The following CDKAL1 variants were observed in gnomAD, a reference collection of about 807,000 sequenced individuals.
CDKAL1 encodes the protein CDKAL1 threonylcarbamoyladenosine tRNA methylthiotransferase.
CDKAL1 carries 32 observed loss-of-function variants against 68.2 expected under a neutral mutation model. The ratio of observed to expected loss-of-function variants is 0.47; its 90% CI spans 0.35 to 0.63. The LOEUF (loss-of-function observed/expected upper bound fraction) is 0.63. Among genes scored for constraint, CDKAL1 ranks in the 30% least tolerant of loss-of-function variants. The probability of loss-of-function intolerance (pLI) is 0.00; values close to 1 mark genes in which losing one functional copy is unlikely to be tolerated. For synonymous variants in CDKAL1, 234 were observed against 244.3 expected (o/e 0.96, Z 0.39); for missense variants, 606 against 696.7 (o/e 0.87, Z 1.47).
chr6:20,788,035 T>C (rs778511933), intron 8 of CDKAL1, among the ~76,000 whole-genome samples: 5 of 152,226 alleles, frequency 3.3e-5, no homozygotes, highest in Non-Finnish European at 7.3e-5. Flanking sequence ...ACTGAGACCC[T>C]ATTTCGACTG....
intron 14 of CDKAL1, among the ~76,000 whole-genome samples, chr6:21,200,421 C>T (rs1778640480): frequency 6.6e-6 from 1 of 152,204 alleles, no homozygotes; most frequent in African/African-American, 2.4e-5. Context: ...TAGCTCCAAA[C>T]AGCAGTGTAC....
At chr6:21,168,486 C>T (rs1314269686) in intron 13 of CDKAL1, among the ~76,000 whole-genome samples, 1 of 152,222 alleles carries the variant, frequency 6.6e-6, no homozygotes, top group East Asian at 1.9e-4. Context: ...ACTTAACTGA[C>T]ATAGCTACAC....
At chr6:20,839,340 CT>C (rs1778084049) in intron 8 of CDKAL1, among the ~76,000 whole-genome samples, 1 of 152,100 alleles carries the variant, frequency 6.6e-6, no homozygotes, top group Admixed American at 6.5e-5. Flanking sequence ...TTAAAATGTG[CT>C]ATTTTTTGAA....
At chr6:20,878,866 G>C (rs1581750133) in intron 9 of CDKAL1, among the ~76,000 whole-genome samples, 1 of 149,400 alleles carries the variant, frequency 6.7e-6, no homozygotes, top group Non-Finnish European at 1.5e-5. Context: ...ATCACCTGAG[G>C]TCAGGGGTTC....
At chr6:21,079,567 A>G (rs1387719483) in intron 12 of CDKAL1, among the ~76,000 whole-genome samples, 1 of 152,230 alleles carries the variant, frequency 6.6e-6, no homozygotes. Flanking sequence ...ACATTAACTC[A>G]TGCCACAGGC....
chr6:20,662,990 T>A (rs1054214079), intron 5 of CDKAL1, among the ~76,000 whole-genome samples: 2 of 152,174 alleles, frequency 1.3e-5, no homozygotes, highest in African/African-American at 4.8e-5. Context: ...GTGTGAGGAT[T>A]GAAGTCGGTT....
At chr6:20,627,368 T>A (rs1236710748) in intron 4 of CDKAL1, among the ~76,000 whole-genome samples, 1 of 152,194 alleles carries the variant, frequency 6.6e-6, no homozygotes, top group Non-Finnish European at 1.5e-5. Context: ...CCATACTCTG[T>A]AGGATAAGAA....
intron 9 of CDKAL1, among the ~76,000 whole-genome samples, chr6:20,947,085 A>T (rs917628080): frequency 1.3e-5 from 2 of 151,824 alleles, no homozygotes; most frequent in Admixed American, 1.3e-4. Context: ...TACTTGCTAG[A>T]AGGAGTCAAT....
chr6:20,913,845 G>A (rs1762590026), intron 9 of CDKAL1, among the ~76,000 whole-genome samples: 1 of 152,172 alleles, frequency 6.6e-6, no homozygotes, highest in African/African-American at 2.4e-5. Flanking sequence ...AAATTAATTA[G>A]CTGTGGGTGG....
rs551392614 is a variant in CDKAL1, at chr6:20,596,093, G to A, written c.286+47388G>A. 3.9e-5 allele frequency among the ~76,000 whole-genome samples: 6 copies of A among 152,316 alleles called. No homozygotes were observed. The East Asian group carries it at 1.2e-3, about 29-fold the overall frequency. ...CGGAGCTCTCCTGTATGAGGTGTCT[G>A]TCAACCCCTTCTGGGAGGTGTCTCC... On this transcript the variant is annotated intron_variant, in intron 4 of 15. Coordinates refer to ENST00000274695, the MANE Select transcript of CDKAL1 (RefSeq NM_017774.3).
intron 6 of CDKAL1, among the ~76,000 whole-genome samples, chr6:20,745,577 A>T (rs1214493654): frequency 6.6e-6 from 1 of 151,868 alleles, no homozygotes; most frequent in African/African-American, 2.4e-5. Context: ...TTCTAATCTC[A>T]CCTGTATTCA....
chr6:20,618,112 A>G (rs1303823040), intron 4 of CDKAL1, among the ~76,000 whole-genome samples: 1 of 152,106 alleles, frequency 6.6e-6, no homozygotes, highest in East Asian at 1.9e-4. Context: ...CGCCATTCTA[A>G]CTGCTGTGAG....
At chr6:20,602,528 T>A (rs970304000) in intron 4 of CDKAL1, among the ~76,000 whole-genome samples, 9 of 152,162 alleles carry the variant, frequency 5.9e-5, no homozygotes, top group African/African-American at 1.9e-4. Flanking sequence ...GTCCTCAGGA[T>A]TTTAGGCTTT....
chr6:20,584,679 T>C (rs1765273285), intron 4 of CDKAL1, among the ~76,000 whole-genome samples: 1 of 152,234 alleles, frequency 6.6e-6, no homozygotes, highest in African/African-American at 2.4e-5. Context: ...ATAGAACTTT[T>C]GAATAACTTC....
rs534532576 is a variant in CDKAL1, at chr6:21,009,393, C to T, written c.1055+9021C>T. ...TAATACAACATTCTATAGTCAATAT[C>T]GCCTCCTTTTTACCTTCACTCTCCA... On this transcript the variant is annotated intron_variant, in intron 11 of 15. Transcript: ENST00000274695. 9.2e-5 allele frequency among the ~76,000 whole-genome samples: 14 copies of T among 152,258 alleles called. No homozygotes were observed. In the South Asian group the frequency reaches 1.5e-3, roughly 16 times the overall value.
At chr6:20,684,683 G>T (rs982053993) in intron 5 of CDKAL1, among the ~76,000 whole-genome samples, 2 of 152,014 alleles carry the variant, frequency 1.3e-5, no homozygotes, top group East Asian at 3.9e-4. Context: ...CCAACATTTG[G>T]TGTTAGCAGT....
At chr6:20,585,635 C>T (rs1168460959) in intron 4 of CDKAL1, among the ~76,000 whole-genome samples, 1 of 152,206 alleles carries the variant, frequency 6.6e-6, no homozygotes, top group Non-Finnish European at 1.5e-5. Context: ...GCTTTTCACT[C>T]TTTCCTTCTG....
intron 10 of CDKAL1, among the ~76,000 whole-genome samples, chr6:20,977,714 CA>C (rs1218979350): frequency 3.3e-5 from 5 of 152,110 alleles, no homozygotes; most frequent in African/African-American, 9.6e-5. Context: ...CCCATCTCTA[CA>C]AAAAATACAA....
At chr6:21,197,315 T>G (rs1294405263) in intron 13 of CDKAL1, among the ~76,000 whole-genome samples, 1 of 152,238 alleles carries the variant, frequency 6.6e-6, no homozygotes, top group Non-Finnish European at 1.5e-5. Flanking sequence ...AATGGGTGCC[T>G]AGATCATAAT....
Sources: gnomAD v4.1 joint callset for allele counts (sites outside exome capture counted in the v4.1 genomes callset) on GRCh38, gnomAD v4.1.1 for gene constraint, MANE v1.5 for transcripts, NCBI Gene and HGNC (gene_info 2026-07-23, HGNC 2026-07-21) for gene names.